The following CLIC5 variants were observed in gnomAD, a reference collection of about 807,000 sequenced individuals.
The protein encoded by CLIC5 is CLIC family member 5.
In CLIC5, 20 loss-of-function variants were observed where a neutral mutation model predicts 24.7. The observed-to-expected ratio is 0.81, with a 90% confidence interval of 0.57 to 1.18. The LOEUF (loss-of-function observed/expected upper bound fraction) is 1.18, where lower values mean the gene tolerates loss of function less well. CLIC5 is among the 50% of genes most tolerant of loss of function. The probability of loss-of-function intolerance (pLI) is 0.00; values close to 1 mark genes in which losing one functional copy is unlikely to be tolerated. For synonymous variants in CLIC5, 159 were observed against 135.6 expected, an observed-to-expected ratio of 1.17 and a Z score of -1.20; for missense variants, 341 against 326.1, an observed-to-expected ratio of 1.05 and a Z score of -0.35.
At chr6:45,994,339 A>C (rs1482438325) in intron 1 of CLIC5, among the ~76,000 whole-genome samples, 3 of 152,250 alleles carry the variant, frequency 2.0e-5, no homozygotes, top group Non-Finnish European at 2.9e-5. Context: ...TGTCTTTTGC[A>C]GGGACATGGA....
intron 1 of CLIC5, among the ~76,000 whole-genome samples, chr6:45,991,468 C>A (rs1008320637): frequency 6.6e-6 from 1 of 152,238 alleles, no homozygotes; most frequent in Non-Finnish European, 1.5e-5. Context: ...TCCTAGCTGA[C>A]ACCTTGACTG....
intron 1 of CLIC5, among the ~76,000 whole-genome samples, chr6:46,026,098 G>A (rs1245949117): frequency 6.6e-6 from 1 of 152,126 alleles, no homozygotes; most frequent in African/African-American, 2.4e-5. Flanking sequence ...GGTATGGCAT[G>A]AGCTCTTTGA....
At chr6:45,955,023 T>A (rs1435466233) in intron 2 of CLIC5, 112 bp downstream of exon 2, 3 of 684,088 alleles carry the variant, frequency 4.4e-6, no homozygotes, top group Non-Finnish European at 7.7e-6. Flanking sequence ...TTCTGGACAA[T>A]GACGTGTGAG....
the CLIC5 span, among the ~76,000 whole-genome samples, chr6:46,128,492 A>G: frequency 1.4e-4 from 22 of 152,246 alleles, no homozygotes; most frequent in Non-Finnish European, 2.8e-4. Context: ...CCTTACCCTG[A>G]CTATTGTTCA....
chr6:45,945,012 G>A (rs1057293378), intron 3 of CLIC5, among the ~76,000 whole-genome samples: 1 of 152,172 alleles, frequency 6.6e-6, no homozygotes, highest in African/African-American at 2.4e-5. Context: ...TGTCTGCTGT[G>A]TAAGCAAAAG....
At chr6:45,954,331 A>G (rs531330423) in intron 2 of CLIC5, among the ~76,000 whole-genome samples, 75 of 152,000 alleles carry the variant, frequency 4.9e-4, no homozygotes, top group Admixed American at 3.3e-3. Flanking sequence ...GTTCAAGAAG[A>G]GCTCAACTCA....
intron 5 of CLIC5, 86 bp downstream of exon 5, chr6:45,914,142 G>A (rs1010792167): frequency 8.2e-6 from 9 of 1,103,068 alleles, no homozygotes; most frequent in African/African-American, 1.6e-5. Flanking sequence ...CCAACAGGTG[G>A]TACTGTCCTT....
At chr6:46,094,479 C>G in the CLIC5 span, among the ~76,000 whole-genome samples, 2 of 152,298 alleles carry the variant, frequency 1.3e-5, no homozygotes, top group South Asian at 4.2e-4. Flanking sequence ...GGTAAATACT[C>G]CTGTTCCAAA....
chr6:45,891,798 C>T (rs1365393225), intron 6 of CLIC5, among the ~76,000 whole-genome samples: 1 of 152,060 alleles, frequency 6.6e-6, no homozygotes, highest in African/African-American at 2.4e-5. Flanking sequence ...ATTGCAATGA[C>T]TTTTGAATTG....
chr6:46,101,692 TG>T, the CLIC5 span, among the ~76,000 whole-genome samples: 1 of 152,214 alleles, frequency 6.6e-6, no homozygotes. Flanking sequence ...TTTGGCTTGG[TG>T]ACATGGAACT....
At chr6:45,984,886 T>A (rs1205279602) in intron 1 of CLIC5, among the ~76,000 whole-genome samples, 2 of 152,228 alleles carry the variant, frequency 1.3e-5, no homozygotes, top group African/African-American at 2.4e-5. Context: ...AGCAGCTCTA[T>A]GCCTGGAACT....
chr6:46,021,530 C>T (rs1015923278), intron 1 of CLIC5, among the ~76,000 whole-genome samples: 15 of 151,908 alleles, frequency 9.9e-5, no homozygotes, highest in Non-Finnish European at 1.9e-4. Flanking sequence ...GGAAACATCC[C>T]CAAATGTTCC....
chr6:45,911,683 A>T (rs1409593198), intron 5 of CLIC5: 2 of 985,222 alleles, frequency 2.0e-6, no homozygotes, highest in Non-Finnish European at 2.4e-6. Flanking sequence ...GTTTCAATAC[A>T]GCAGAAATGC....
chr6:46,113,233 T>C, the CLIC5 span, among the ~76,000 whole-genome samples: 1 of 151,974 alleles, frequency 6.6e-6, no homozygotes, highest in African/African-American at 2.4e-5. Flanking sequence ...GAGAGAACAT[T>C]TGTAGTGTCT....
chr6:45,995,459 A>G (rs1401790193), intron 1 of CLIC5, among the ~76,000 whole-genome samples: 1 of 152,202 alleles, frequency 6.6e-6, no homozygotes, highest in Non-Finnish European at 1.5e-5. Flanking sequence ...TCACAGTGTG[A>G]TCTGCTTTAC....
intron 1 of CLIC5, among the ~76,000 whole-genome samples, chr6:46,009,861 A>C (rs1766740462): frequency 6.6e-6 from 1 of 152,158 alleles, no homozygotes; most frequent in Non-Finnish European, 1.5e-5. Context: ...AGGAGGAATC[A>C]ACTTCCCCTG....
chr6:46,079,639 C>A (rs1054960049), intron 1 of CLIC5: 35 of 1,378,076 alleles, frequency 2.5e-5, no homozygotes, highest in Non-Finnish European at 3.5e-5. Flanking sequence ...TCATTCAGAG[C>A]AAAATAAAAC....
chr6:45,942,033 A>G lies in CLIC5; in HGVS notation c.300-380T>C, dbSNP rs181628524. ...TGGTAGGGTTCTCAACACTTCCCTT[A>G]CCCGCTAAAATAACCATCTACTGCC... On this transcript the variant is annotated intron_variant, in intron 3 of 5. Coordinates refer to ENST00000339561, the MANE Select transcript of CLIC5 (RefSeq NM_016929.5). Among the ~76,000 whole-genome samples, 1,245 of 152,236 alleles carry G rather than the reference A, an allele frequency of 8.2e-3. 21 individuals are homozygous for G. Among genetic ancestry groups the G allele is most frequent in the Admixed American group, 0.028 (427 of 15,294 alleles).
intron 1 of CLIC5, among the ~76,000 whole-genome samples, chr6:46,006,512 T>C (rs575670429): frequency 2.6e-5 from 4 of 152,044 alleles, no homozygotes; most frequent in African/African-American, 9.6e-5. Flanking sequence ...CAAGCAGAGC[T>C]CTGAGTTTTC....
Sources: gnomAD v4.1 joint callset for allele counts (sites outside exome capture counted in the v4.1 genomes callset) on GRCh38, gnomAD v4.1.1 for gene constraint, MANE v1.5 for transcripts, NCBI Gene and HGNC (gene_info 2026-07-23, HGNC 2026-07-21) for gene names.